Variants in RTTN observed in about 807,000 individuals in gnomAD.
The protein encoded by RTTN is rotatin.
In RTTN, 182 loss-of-function variants were observed where a neutral mutation model predicts 269.2. The ratio of observed to expected loss-of-function variants is 0.68; its 90% CI spans 0.60 to 0.76. The LOEUF (loss-of-function observed/expected upper bound fraction) is 0.76. Ranked by LOEUF, RTTN falls within the 30% of genes least tolerant of loss-of-function variation. RTTN has a pLI of 0.00. For missense variants in RTTN, 2,545 were observed against 2,608.6 expected (o/e 0.98, Z 0.53); for synonymous variants, 1,006 against 963.5 (o/e 1.04, Z -0.82).
chr18:70,127,626 CCCTG>C lies in RTTN; in HGVS notation c.3255_3258del (p.His1085GlnfsTer10). ...ATCCTGGTGACAGCAGCCCTAACTT[CCCTG>C]TGGGTTGCAGCCTGAACAATGGAAT... On this transcript the variant is annotated frameshift_variant, in exon 25 of 49. Coordinates refer to ENST00000640769, the MANE Select transcript of RTTN (RefSeq NM_173630.4). LOFTEE classifies it high-confidence loss of function. The C allele has an allele frequency of 1.2e-6, 2 of 1,613,590 alleles. No individual in the cohort carries two copies. The highest frequency in any genetic ancestry group is 1.7e-6 in the Non-Finnish European group (2 of 1,179,760).
At chr18:70,163,086 A>AAAC (rs1283551852) in intron 14 of RTTN, among the ~76,000 whole-genome samples, 1 of 146,456 alleles carries the variant, frequency 6.8e-6, no homozygotes, top group Non-Finnish European at 1.5e-5. Context: ...AAAAAAAAAA[A>AAAC]AAAAAAAAAA....
intron 3 of RTTN, among the ~76,000 whole-genome samples, chr18:70,202,570 C>T (rs2061979444): frequency 6.6e-6 from 1 of 152,214 alleles, no homozygotes; most frequent in Non-Finnish European, 1.5e-5. Flanking sequence ...TCTACTTTCA[C>T]CCGCAAGGAA....
chr18:70,157,105 G>A (rs1414647148), intron 14 of RTTN, among the ~76,000 whole-genome samples: 2 of 152,160 alleles, frequency 1.3e-5, no homozygotes, highest in Non-Finnish European at 2.9e-5. Flanking sequence ...GCACTTGCCT[G>A]CAGCCTCCCC....
intron 25 of RTTN, among the ~76,000 whole-genome samples, chr18:70,122,879 A>G (rs917022676): frequency 1.6e-4 from 24 of 152,132 alleles, no homozygotes; most frequent in African/African-American, 5.1e-4. Flanking sequence ...GAAGTCTTCT[A>G]TGATATCCAG....
intron 26 of RTTN, among the ~76,000 whole-genome samples, chr18:70,118,932 C>T (rs1033447347): frequency 1.3e-5 from 2 of 151,832 alleles, no homozygotes; most frequent in South Asian, 2.1e-4. Flanking sequence ...AAAGGAATCC[C>T]AACACAATAA....
At chr18:70,005,347 C>A in intron 47 of RTTN, 80 bp from the exon 48 acceptor site, 1 of 909,338 alleles carries the variant, frequency 1.1e-6, no homozygotes. Context: ...CCATTGCTAA[C>A]TACAGTATTA....
intron 21 of RTTN, among the ~76,000 whole-genome samples, chr18:70,136,910 G>A (rs2060137702): frequency 6.6e-6 from 1 of 151,960 alleles, no homozygotes; most frequent in Non-Finnish European, 1.5e-5. Context: ...AGTTTTTAGG[G>A]TTTTTTAAAG....
At chr18:70,024,588 C>G in intron 44 of RTTN, 134 bp downstream of exon 44, 1 of 773,622 alleles carries the variant, frequency 1.3e-6, no homozygotes, top group Non-Finnish European at 2.1e-6. Flanking sequence ...AGAAAGCTTG[C>G]CTTTGCCCAT....
At chr18:70,023,315 TTAGAG>T (rs1467148093) in intron 44 of RTTN, among the ~76,000 whole-genome samples, 8 of 152,328 alleles carry the variant, frequency 5.3e-5, no homozygotes, top group Non-Finnish European at 1.2e-4. Flanking sequence ...ATGCTAAATT[TTAGAG>T]TAATTTCTTT....
intron 10 of RTTN, among the ~76,000 whole-genome samples, chr18:70,178,622 A>C (rs1342165696): frequency 1.1e-4 from 16 of 152,134 alleles, no homozygotes; most frequent in Non-Finnish European, 1.5e-5. Flanking sequence ...AAATGAAACA[A>C]TTTCATATTG....
At chr18:70,169,568 G>T (rs537718326) in intron 11 of RTTN, among the ~76,000 whole-genome samples, 1 of 152,056 alleles carries the variant, frequency 6.6e-6, no homozygotes, top group Non-Finnish European at 1.5e-5. Flanking sequence ...GAACAGAAAC[G>T]AATTTTTTTC....
intron 32 of RTTN, among the ~76,000 whole-genome samples, chr18:70,076,854 G>A (rs756346258): frequency 1.3e-5 from 2 of 151,644 alleles, no homozygotes; most frequent in Admixed American, 1.3e-4. Flanking sequence ...AGGTACTGGC[G>A]CCCTTTAATA....
At chr18:70,145,515 C>T (rs1050579110) in intron 18 of RTTN, 97 bp downstream of exon 18, 5 of 879,896 alleles carry the variant, frequency 5.7e-6, no homozygotes, top group Non-Finnish European at 8.4e-6. Flanking sequence ...TCTCTCCCTC[C>T]CCAGGACATA....
At chr18:70,162,886 GA>G (rs5825997) in intron 14 of RTTN, among the ~76,000 whole-genome samples, 5,532 of 50,200 alleles carry the variant, frequency 0.11, 222 homozygotes, top group African/African-American at 0.23. Flanking sequence ...AATAAAAGTT[GA>G]AAAAAAAAAA....
chr18:70,188,149 T>C lies in RTTN; in HGVS notation c.1264A>G (p.Thr422Ala), dbSNP rs1439509165. ...AGGCTGCTGTCATCCCAGATATCTG[T>C]TGAAATTGCTTCACCAATAAGTGTC... ...DMTLIGEAISTDIWDDSSLFG... is the reference protein window; with the variant it reads ...DMTLIGEAISADIWDDSSLFG... The change falls in exon 10 of 49, where the codon ACA (threonine) becomes GCA (alanine). Residue 422 changes from threonine (T) to alanine (A), a missense_variant. By Grantham distance (58) the Thr-to-Ala change is moderately conservative. Transcript: ENST00000640769. 3 of 1,611,430 alleles carry C rather than the reference T, an allele frequency of 1.9e-6. No homozygotes were observed. Among genetic ancestry groups the C allele is most frequent in the African/African-American group, 2.7e-5 (2 of 74,872 alleles).
intron 47 of RTTN, chr18:70,006,103 A>G (rs2056177325): frequency 3.4e-6 from 1 of 298,202 alleles, no homozygotes; most frequent in Admixed American, 4.7e-5. Flanking sequence ...ATCTATACTA[A>G]AATTGCAATA....
intron 14 of RTTN, among the ~76,000 whole-genome samples, chr18:70,151,725 T>C (rs1160934435): frequency 6.6e-6 from 1 of 152,196 alleles, no homozygotes; most frequent in Non-Finnish European, 1.5e-5. Flanking sequence ...CCATCTAAAC[T>C]GTGACTATCC....
In RTTN at chr18:70,204,185, T is replaced by G; in HGVS notation, c.298A>C (p.Asn100His). The part of the protein sequence containing the change: ...LSKLRSNVEP[N>H]LQAEIDGILD... ...ATGCCATCAATTTCAGCCTGCAGAT[T>G]TGGCTCCACATTAGACCGAAGCTTA... Residue 100 changes from asparagine (N) to histidine (H), a missense_variant, in exon 3 of 49, where the codon AAT becomes CAT. Coordinates refer to ENST00000640769, the MANE Select transcript of RTTN (RefSeq NM_173630.4). The G allele has an allele frequency of 6.2e-7, 1 of 1,614,122 alleles. No individual in the cohort carries two copies. The highest frequency in any genetic ancestry group is 1.3e-5 in the African/African-American group (1 of 75,026).
Position 70,148,906 on chromosome 18 carries a change from C to T in RTTN, c.2304G>A (p.Lys768=). The T allele has an allele frequency of 6.2e-7, 1 of 1,613,342 alleles. No individual in the cohort carries two copies. Among genetic ancestry groups the T allele is most frequent in the Non-Finnish European group, 8.5e-7 (1 of 1,179,478 alleles). Residue 768 remains lysine, a synonymous_variant, in exon 17 of 49, where the codon AAG becomes AAA. Transcript: ENST00000640769. ...CAAGATTACGTTGTACTCACGATGG[C>T]TTTTTCACTAGCAAAAGTCGCAGCA... ...KSMLRLLLVK[K]PSVRSLALKL...
Sources: allele counts gnomAD v4.1 joint callset (sites outside exome capture counted in the v4.1 genomes callset), GRCh38; gene constraint gnomAD v4.1.1; transcripts MANE v1.5; gene names NCBI Gene and HGNC (gene_info 2026-07-23, HGNC 2026-07-21).